AKAP7: variants seen among roughly 807,000 people sequenced by gnomAD.
AKAP7 encodes the protein A kinase (PRKA) anchor protein 7.
Under a neutral mutation model 39.5 loss-of-function variants are expected in AKAP7, and 39 were observed. That is an observed-to-expected ratio of 0.99 (90% CI 0.76 to 1.29). The LOEUF is 1.29. Ranked by LOEUF, AKAP7 falls within the 50% of genes most tolerant of loss-of-function variation. The probability of loss-of-function intolerance (pLI) is 0.00; values close to 1 mark genes in which losing one functional copy is unlikely to be tolerated. For missense variants in AKAP7, 414 were observed against 407.7 expected, an observed-to-expected ratio of 1.02 and a Z score of -0.13; for synonymous variants, 140 against 139.1, an observed-to-expected ratio of 1.01 and a Z score of -0.05.
At chr6:131,133,524 TGGTA>T (rs933647423), upstream of AKAP7, among the ~76,000 whole-genome samples, 2 of 152,184 alleles carry the variant, frequency 1.3e-5, no homozygotes, top group African/African-American at 4.8e-5. Flanking sequence ...TTCCTCCACA[TGGTA>T]GGTGTTGATA....
In AKAP7 at chr6:131,135,474, G is replaced by A. The variant is rs1454761535; in HGVS notation, c.-290G>A. Among the ~76,000 whole-genome samples, 3 of 150,570 alleles carry A rather than the reference G, an allele frequency of 2.0e-5. No homozygotes were observed. Among genetic ancestry groups the A allele is most frequent in the Non-Finnish European group, 3.0e-5 (2 of 66,906 alleles). Reference sequence around the variant, plus strand: ...GACTCGGGTCGGCCCCTTCTGGCTTGTTCCGGCGTCCGGCCTGGCATGCGG... The same window carrying A: ...GACTCGGGTCGGCCCCTTCTGGCTTATTCCGGCGTCCGGCCTGGCATGCGG... On this transcript the variant is annotated 5_prime_UTR_variant, in exon 1 of 8. Transcript: ENST00000431975.
chr6:131,135,699 C>G lies in AKAP7; in HGVS notation c.-65C>G, dbSNP rs1800472287. 8.6e-7 allele frequency: 1 copy of G among 1,165,854 alleles called. No individual in the cohort carries two copies. The highest frequency in any genetic ancestry group is 4.0e-5 in the East Asian group (1 of 24,872). 72.2% of individuals were successfully genotyped at this position (1,165,854 alleles called of 1,614,324 possible). A position where few individuals can be genotyped will look rare whatever the true frequency, so the allele number is the denominator to read the frequency against. ...CTCCGCCTCGGCCTCGCCTCCAGCC[C>G]CGGGACGCGGCCCGCCACCGCCGCT... is the stretch of plus-strand genomic sequence containing the variant. On this transcript the variant is annotated 5_prime_UTR_variant, in exon 1 of 8. Transcript: ENST00000431975.
At chr6:131,164,127 G>A (rs1209472035) in intron 3 of AKAP7, among the ~76,000 whole-genome samples, 1 of 152,168 alleles carries the variant, frequency 6.6e-6, no homozygotes, top group Non-Finnish European at 1.5e-5. Flanking sequence ...ATGCTCATGA[G>A]TCAGTTTTTT....
chr6:131,238,118 T>C (rs1420769260), intron 7 of AKAP7, among the ~76,000 whole-genome samples: 3 of 152,172 alleles, frequency 2.0e-5, no homozygotes, highest in Non-Finnish European at 4.4e-5. Context: ...TTTGTTCTCG[T>C]TGGTTTCAAA....
chr6:131,261,498 T>G (rs1030121128), intron 7 of AKAP7, among the ~76,000 whole-genome samples: 7 of 151,906 alleles, frequency 4.6e-5, no homozygotes, highest in Non-Finnish European at 1.0e-4. Flanking sequence ...TCTCTAAAAT[T>G]AGTTTGGTAA....
intron 2 of AKAP7, among the ~76,000 whole-genome samples, chr6:131,146,558 T>A (rs1170137803): frequency 1.3e-5 from 2 of 152,246 alleles, no homozygotes; most frequent in Admixed American, 6.5e-5. Flanking sequence ...TTGACTATTG[T>A]CCAGGTTACT....
chr6:131,180,567 A>T (rs1446508753), intron 5 of AKAP7, among the ~76,000 whole-genome samples: 1 of 152,154 alleles, frequency 6.6e-6, no homozygotes, highest in Non-Finnish European at 1.5e-5. Flanking sequence ...TTTAAAATTT[A>T]AAAATCTTCA....
intron 7 of AKAP7, chr6:131,253,092 CA>C (rs759223312): frequency 3.6e-5 from 58 of 1,613,278 alleles, no homozygotes; most frequent in Non-Finnish European, 4.9e-5. Flanking sequence ...AGGATATACC[CA>C]GTTGGTCAAG....
intron 5 of AKAP7, among the ~76,000 whole-genome samples, chr6:131,181,941 T>G (rs766249765): frequency 6.6e-6 from 1 of 152,038 alleles, no homozygotes; most frequent in Non-Finnish European, 1.5e-5. Context: ...CTGGCCAACA[T>G]AGTGAAACTC....
At chr6:131,148,873 C>A (rs1354506257) in intron 2 of AKAP7, among the ~76,000 whole-genome samples, 2 of 152,186 alleles carry the variant, frequency 1.3e-5, no homozygotes, top group Non-Finnish European at 2.9e-5. Flanking sequence ...TCAGTCTACT[C>A]ATTTGCTCCA....
At chr6:131,218,946 T>C (rs535804103) in intron 6 of AKAP7, among the ~76,000 whole-genome samples, 1 of 152,304 alleles carries the variant, frequency 6.6e-6, no homozygotes, top group East Asian at 1.9e-4. Flanking sequence ...ATTTATAGTA[T>C]TTTATTTTTT....
intron 2 of AKAP7, among the ~76,000 whole-genome samples, chr6:131,159,721 C>T (rs750260255): frequency 6.6e-6 from 1 of 152,170 alleles, no homozygotes; most frequent in African/African-American, 2.4e-5. Flanking sequence ...ATTGTGGTGC[C>T]GGGAGCTGTG....
At chr6:131,237,891 G>A (rs957591975) in intron 7 of AKAP7, among the ~76,000 whole-genome samples, 8 of 152,044 alleles carry the variant, frequency 5.3e-5, no homozygotes, top group Non-Finnish European at 1.0e-4. Context: ...AAGGGTTTTT[G>A]TGTCTCTATT....
At chr6:131,220,950 G>A (rs1468245572) in intron 7 of AKAP7, among the ~76,000 whole-genome samples, 2 of 151,978 alleles carry the variant, frequency 1.3e-5, no homozygotes, top group South Asian at 2.1e-4. Flanking sequence ...GTGAAGAGTC[G>A]TACATCTCTT....
At chr6:131,268,497 G>A (rs775372726) in intron 7 of AKAP7, among the ~76,000 whole-genome samples, 2 of 152,192 alleles carry the variant, frequency 1.3e-5, no homozygotes, top group Non-Finnish European at 2.9e-5. Flanking sequence ...TGTGACTGCT[G>A]TTAGTGAGCT....
intron 6 of AKAP7, among the ~76,000 whole-genome samples, chr6:131,201,328 C>T (rs1807545242): frequency 6.6e-6 from 1 of 152,150 alleles, no homozygotes; most frequent in Non-Finnish European, 1.5e-5. Flanking sequence ...GGGTGCTGGG[C>T]ACAGAGTGGT....
chr6:131,175,128 G>T (rs563201826), intron 5 of AKAP7, among the ~76,000 whole-genome samples: 1 of 152,266 alleles, frequency 6.6e-6, no homozygotes, highest in South Asian at 2.1e-4. Context: ...GAGAATACAT[G>T]TTTGCTGTTG....
chr6:131,150,105 C>G (rs544862863), intron 2 of AKAP7, among the ~76,000 whole-genome samples: 1 of 152,272 alleles, frequency 6.6e-6, no homozygotes, highest in South Asian at 2.1e-4. Context: ...AGGTATGCAC[C>G]ACTATGCCTG....
intron 1 of AKAP7, among the ~76,000 whole-genome samples, chr6:131,136,236 A>T (rs997578951): frequency 3.9e-5 from 6 of 152,010 alleles, no homozygotes; most frequent in African/African-American, 1.5e-4. Context: ...AGGTTTGGAC[A>T]TGACCGCTTT....
Sources: gnomAD v4.1 joint callset for allele counts (sites outside exome capture counted in the v4.1 genomes callset) on GRCh38, gnomAD v4.1.1 for gene constraint, MANE v1.5 for transcripts, NCBI Gene and HGNC (gene_info 2026-07-23, HGNC 2026-07-21) for gene names.